The following CHM variants were observed in gnomAD, a reference collection of about 807,000 sequenced individuals.
The protein encoded by CHM is CHM Rab escort protein.
A neutral mutation model predicts 49.0 loss-of-function variants in CHM; 10 were observed. The observed-to-expected ratio is 0.20, with a 90% CI of 0.13 to 0.35. The LOEUF (loss-of-function observed/expected upper bound fraction) is 0.35, where lower values mean the gene tolerates loss of function less well. CHM is among the 10% of genes least tolerant of loss of function. The probability of loss-of-function intolerance (pLI) is 1.00; values close to 1 mark genes in which losing one functional copy is unlikely to be tolerated. For synonymous variants in CHM, 184 were observed against 167.5 expected (o/e 1.10, Z -0.76); for missense variants, 455 against 478.4 (o/e 0.95, Z 0.46).
rs781271507 is a variant in CHM, at chrX:85,976,871, CACAA to C, written c.314+1892_314+1895del. ...ACTACAATGCTAGGGGGAAAACACA[CACAA>C]ACACACACACACACACACACACACA... On this transcript the variant is annotated intron_variant, in intron 4 of 14. Coordinates refer to ENST00000357749, the MANE Select transcript of CHM (RefSeq NM_000390.4). 9.1e-3 allele frequency among the ~76,000 whole-genome samples: 618 copies of C among 67,896 alleles called. 2 individuals are homozygous for C. Among genetic ancestry groups the C allele is most frequent in the Admixed American group, 0.021 (113 of 5,408 alleles). 59.0% of individuals were successfully genotyped at this position (67,896 alleles called of 115,157 possible).
At chrX:85,899,676 A>AC (rs1172699575) in intron 11 of CHM, among the ~76,000 whole-genome samples, 160 of 63,905 alleles carry the variant, frequency 2.5e-3, no homozygotes, top group African/African-American at 2.9e-3. Flanking sequence ...AATGCTCTAA[A>AC]CCCACCCCCC....
intron 13 of CHM, among the ~76,000 whole-genome samples, chrX:85,876,572 T>G (rs1190526888): frequency 9.0e-6 from 1 of 111,477 alleles, no homozygotes. Context: ...TATGGCCCAG[T>G]GCTCACTTTA....
intron 2 of CHM, among the ~76,000 whole-genome samples, chrX:86,002,063 C>T (rs1443130462): frequency 9.0e-6 from 1 of 111,342 alleles, no homozygotes; most frequent in East Asian, 2.9e-4. Context: ...AGTTTTATAA[C>T]TCCATAAAAC....
At chrX:85,947,054 T>C (rs1204048699) in intron 8 of CHM, among the ~76,000 whole-genome samples, 5 of 112,444 alleles carry the variant, frequency 4.4e-5, no homozygotes, top group Admixed American at 9.4e-5. Flanking sequence ...TTGTTTTGAT[T>C]TTATAGGCCC....
At chrX:85,958,206 G>T (rs758212191) in intron 6 of CHM, among the ~76,000 whole-genome samples, 3 of 111,837 alleles carry the variant, frequency 2.7e-5, no homozygotes, top group Non-Finnish European at 5.6e-5. Flanking sequence ...AAAGGCCAAC[G>T]GCATGTCATC....
At chrX:85,940,402 G>T (rs1929037565) in intron 8 of CHM, among the ~76,000 whole-genome samples, 1 of 111,722 alleles carries the variant, frequency 9.0e-6, no homozygotes, top group Non-Finnish European at 1.9e-5. Flanking sequence ...TTATTGTAAA[G>T]ACTACAACAA....
intron 2 of CHM, among the ~76,000 whole-genome samples, chrX:86,026,644 G>T (rs41312564): frequency 4.1e-4 from 46 of 111,933 alleles, no homozygotes; most frequent in Non-Finnish European, 7.9e-4. Context: ...AATGAATTTA[G>T]AACAGGTTAA....
At chrX:85,898,037 TG>T (rs745673092) in intron 11 of CHM, among the ~76,000 whole-genome samples, 3 of 110,779 alleles carry the variant, frequency 2.7e-5, no homozygotes, top group South Asian at 7.9e-4. Flanking sequence ...ACAGACTGGG[TG>T]GGGGTAAGAG....
chrX:85,878,883 G>T, intron 13 of CHM, 82 bp downstream of exon 13: 2 of 686,453 alleles, frequency 2.9e-6, no homozygotes, highest in Non-Finnish European at 4.6e-6. Flanking sequence ...AGTTCAGGTT[G>T]CAGAAACTTT....
At chrX:85,990,383 C>G (rs1468653044) in intron 2 of CHM, among the ~76,000 whole-genome samples, 2 of 111,589 alleles carry the variant, frequency 1.8e-5, no homozygotes, top group African/African-American at 6.5e-5. Context: ...CTTTTGGATA[C>G]TGCGCTTAAT....
chrX:85,909,887 C>G (rs375114428), intron 9 of CHM, among the ~76,000 whole-genome samples: 45 of 111,707 alleles, frequency 4.0e-4, no homozygotes, highest in South Asian at 2.2e-3. Context: ...ACTCTTGTAG[C>G]AAAATGAATG....
At chrX:85,956,885 T>C (rs1176787600) in intron 7 of CHM, among the ~76,000 whole-genome samples, 1 of 111,620 alleles carries the variant, frequency 9.0e-6, no homozygotes, top group African/African-American at 3.3e-5. Flanking sequence ...GGCCACATAA[T>C]CACATCAAAA....
At chrX:85,948,171 A>G (rs1384053972) in intron 8 of CHM, among the ~76,000 whole-genome samples, 1 of 112,353 alleles carries the variant, frequency 8.9e-6, no homozygotes, top group African/African-American at 3.2e-5. Context: ...ATTCCAAACT[A>G]GAATGTAGTT....
At chrX:85,944,875 C>T (rs1215410881) in intron 8 of CHM, among the ~76,000 whole-genome samples, 1 of 111,966 alleles carries the variant, frequency 8.9e-6, no homozygotes, top group African/African-American at 3.2e-5. Context: ...GATATGGAAT[C>T]AACCCAAATG....
In CHM at chrX:85,864,318, C is replaced by A; in HGVS notation, c.*312G>T. The A allele has an allele frequency of 3.9e-6, 1 of 259,498 alleles. No homozygotes were observed. The highest frequency in any genetic ancestry group is 6.9e-6 in the Non-Finnish European group (1 of 144,396). 21.4% of individuals were successfully genotyped at this position (259,498 alleles called of 1,213,427 possible). ...GTGGTAAGCAAAATTGTCCTAAGAC[C>A]ATGGAATTATTAACAATGCATAGGA... On this transcript the variant is annotated 3_prime_UTR_variant, in exon 15 of 15. Coordinates refer to ENST00000357749, the MANE Select transcript of CHM (RefSeq NM_000390.4).
intron 2 of CHM, among the ~76,000 whole-genome samples, chrX:85,995,136 C>T (rs1053914495): frequency 1.8e-5 from 2 of 109,633 alleles, no homozygotes; most frequent in South Asian, 3.9e-4. Flanking sequence ...AATGTCAATA[C>T]GGATTTCAGT....
At chrX:85,893,590 T>TA (rs1385209458) in intron 12 of CHM, among the ~76,000 whole-genome samples, 1 of 111,221 alleles carries the variant, frequency 9.0e-6, no homozygotes, top group African/African-American at 3.3e-5. Context: ...GTAGGGGCTT[T>TA]GGAAGATGGT....
intron 8 of CHM, among the ~76,000 whole-genome samples, chrX:85,942,264 G>GCCCCCAA (rs1253523231): frequency 3.5e-5 from 3 of 85,567 alleles, no homozygotes; most frequent in Admixed American, 1.4e-4. Context: ...CCTTCCCTTA[G>GCCCCCAA]CCCCCAACCC....
At chrX:85,943,235 A>G (rs1469555627) in intron 8 of CHM, among the ~76,000 whole-genome samples, 1 of 110,643 alleles carries the variant, frequency 9.0e-6, no homozygotes, top group African/African-American at 3.3e-5. Flanking sequence ...ATGAACTCAA[A>G]CAAATTTACA....
Sources: allele counts gnomAD v4.1 joint callset (sites outside exome capture counted in the v4.1 genomes callset), GRCh38; gene constraint gnomAD v4.1.1; transcripts MANE v1.5; gene names NCBI Gene and HGNC (gene_info 2026-07-23, HGNC 2026-07-21).